Variants in SRSF4 observed in about 807,000 individuals in gnomAD.
The protein encoded by SRSF4 is serine and arginine rich splicing factor 4, also known as serine/arginine-rich splicing factor 4.
A neutral mutation model predicts 48.8 loss-of-function variants in SRSF4; 12 were observed. The observed-to-expected ratio is 0.25, with a 90% CI of 0.16 to 0.40. SRSF4 has a LOEUF of 0.40. Among genes scored for constraint, SRSF4 ranks in the 10% least tolerant of loss-of-function variants. The pLI is 1.00. For synonymous variants in SRSF4, 248 were observed against 232.5 expected, an observed-to-expected ratio of 1.07 and a Z score of -0.61; for missense variants, 466 against 667.1, an observed-to-expected ratio of 0.70 and a Z score of 3.32.
chr1:29,172,198 G>A (rs1672754557), intron 1 of SRSF4: 2 of 152,094 alleles, frequency 1.3e-5, no homozygotes, highest in African/African-American at 4.8e-5. Context: ...ATAAAACAAT[G>A]ACAGAATGCT....
intron 1 of SRSF4, among the ~76,000 whole-genome samples, chr1:29,162,615 T>G (rs1444710629): frequency 3.3e-5 from 5 of 152,206 alleles, no homozygotes; most frequent in Non-Finnish European, 7.3e-5. Context: ...TGTGAGAGCC[T>G]GACGCCATGC....
chr1:29,154,291 T>C (rs889732873), intron 4 of SRSF4, among the ~76,000 whole-genome samples: 8 of 152,176 alleles, frequency 5.3e-5, no homozygotes, highest in African/African-American at 1.9e-4. Flanking sequence ...TCTCGACTCC[T>C]GACATCAGGT....
At chr1:29,161,160 T>C (rs1168720109) in intron 1 of SRSF4, among the ~76,000 whole-genome samples, 1 of 152,198 alleles carries the variant, frequency 6.6e-6, no homozygotes, top group Non-Finnish European at 1.5e-5. Flanking sequence ...TAAATGGTAT[T>C]GCTACATCTT....
chr1:29,174,071 C>T (rs1672795724), intron 1 of SRSF4, among the ~76,000 whole-genome samples: 2 of 151,726 alleles, frequency 1.3e-5, no homozygotes. Context: ...CGCCTGTAAT[C>T]CCAGCTACTT....
At chr1:29,170,294 A>G (rs577176445) in intron 1 of SRSF4, 1 of 152,228 alleles carries the variant, frequency 6.6e-6, no homozygotes, top group Non-Finnish European at 1.5e-5. Context: ...ATTTAGAATA[A>G]AACTCTTGGG....
chr1:29,157,457 C>G (rs963488915), intron 3 of SRSF4, among the ~76,000 whole-genome samples: 1 of 152,086 alleles, frequency 6.6e-6, no homozygotes, highest in East Asian at 1.9e-4. Context: ...ATCCCTAACT[C>G]TCAGAATACT....
Position 29,181,843 on chromosome 1 carries a change from G to T in SRSF4, c.-91C>A. Reference sequence around the variant, plus strand: ...GAGCACGGCGGCAGCGGCGGCGGCGGCAACGGGCGGGCGGCGGGACGGACG... The same window carrying T: ...GAGCACGGCGGCAGCGGCGGCGGCGTCAACGGGCGGGCGGCGGGACGGACG... On this transcript the variant is annotated 5_prime_UTR_variant, in exon 1 of 6. Transcript: ENST00000373795. 7 of 1,081,726 alleles carry T rather than the reference G, an allele frequency of 6.5e-6. No homozygotes were observed. The highest frequency in any genetic ancestry group is 8.5e-6 in the Non-Finnish European group (7 of 821,526). The allele number at this position is 1,081,726 out of a possible 1,614,324, so 67.0% of individuals were successfully genotyped here.
intron 1 of SRSF4, among the ~76,000 whole-genome samples, chr1:29,163,478 C>T (rs1196550086): frequency 2.6e-5 from 4 of 152,286 alleles, no homozygotes; most frequent in Non-Finnish European, 4.4e-5. Flanking sequence ...GATACGGACT[C>T]TTGTTCTGAG....
intron 5 of SRSF4, among the ~76,000 whole-genome samples, chr1:29,149,888 G>A (rs1034777665): frequency 5.9e-5 from 9 of 151,760 alleles, no homozygotes; most frequent in Admixed American, 3.9e-4. Context: ...AATTAGCTGG[G>A]TGTGGTAGTA....
intron 1 of SRSF4, chr1:29,169,312 T>C (rs1489443502): frequency 6.6e-6 from 1 of 152,210 alleles, no homozygotes; most frequent in Non-Finnish European, 1.5e-5. Context: ...CCGCCTCCTA[T>C]ATACCAATGA....
In SRSF4 at chr1:29,148,049, G is replaced by C. The variant is rs901942725; in HGVS notation, c.*361C>G. The C allele has an allele frequency of 4.2e-6, 2 of 481,402 alleles. No homozygotes were observed. The highest frequency in any genetic ancestry group is 3.9e-5 in the African/African-American group (2 of 51,104). The allele number at this position is 481,402 out of a possible 1,614,324, so 29.8% of individuals were successfully genotyped here. ...CATACATCGAAGGGCATCAATTCAA[G>C]AGCAAAAATGGTTGAACTCACCATA... On this transcript the variant is annotated 3_prime_UTR_variant, in exon 6 of 6. Transcript: ENST00000373795.
chr1:29,181,092 T>C (rs1034100413), intron 1 of SRSF4, among the ~76,000 whole-genome samples: 2 of 152,202 alleles, frequency 1.3e-5, no homozygotes, highest in Non-Finnish European at 2.9e-5. Flanking sequence ...CTTTCGAAAC[T>C]GTCACTAGAC....
intron 1 of SRSF4, among the ~76,000 whole-genome samples, chr1:29,162,250 TA>T (rs968457567): frequency 1.6e-4 from 25 of 152,210 alleles, no homozygotes; most frequent in Admixed American, 3.9e-4. Context: ...AGCAGCTTAA[TA>T]AGAAGGATTT....
At chr1:29,160,678 G>A in intron 1 of SRSF4, 161 bp from the exon 2 acceptor site, 1 of 672,692 alleles carries the variant, frequency 1.5e-6, no homozygotes, top group Non-Finnish European at 2.3e-6. Flanking sequence ...ACTTTGCTTT[G>A]TGCCAACAGG....
chr1:29,166,477 A>G (rs1345890234), intron 1 of SRSF4, among the ~76,000 whole-genome samples: 2 of 152,238 alleles, frequency 1.3e-5, no homozygotes, highest in African/African-American at 4.8e-5. Flanking sequence ...ACCAGCGTTC[A>G]GGCCCTCACA....
At chr1:29,174,696 AT>A (rs1464576132) in intron 1 of SRSF4, among the ~76,000 whole-genome samples, 1 of 111,568 alleles carries the variant, frequency 9.0e-6, no homozygotes, top group Non-Finnish European at 1.8e-5. Context: ...TTTTTTTTTG[AT>A]GGAGTCTTGC....
At position 29,164,428 on chromosome 1, in the gene SRSF4, T is replaced by C. The variant is rs573022775; in HGVS notation, c.108-3911A>G. On this transcript the variant is annotated intron_variant, in intron 1 of 5. Coordinates refer to ENST00000373795, the MANE Select transcript of SRSF4 (RefSeq NM_005626.5). ...AGCAAGTAACGTGAAACAAATCTCT[T>C]TTCTCAGAAAGCAATCTCCTTTTGA... is the stretch of plus-strand genomic sequence containing the variant. Among the ~76,000 whole-genome samples, 49 of 152,360 alleles carry C rather than the reference T, an allele frequency of 3.2e-4. No homozygotes were observed. In the South Asian group the frequency reaches 9.3e-3, roughly 29 times the overall value.
chr1:29,151,153 G>A (rs991956888), intron 4 of SRSF4, among the ~76,000 whole-genome samples: 3 of 152,162 alleles, frequency 2.0e-5, no homozygotes, highest in Non-Finnish European at 2.9e-5. Flanking sequence ...GACAGAAAGA[G>A]GGAAACTTTC....
rs141096220 is a variant in SRSF4 at position 29,178,353 on chromosome 1, C to CTTCTTTTTTTTTTTTTT, written c.107+3292_107+3293insAAAAAAAAAAAAAAGAA. Among the ~76,000 whole-genome samples, 368 of 127,842 alleles carry CTTCTTTTTTTTTTTTTT rather than the reference C, an allele frequency of 2.9e-3. 16 individuals carry two copies. Among genetic ancestry groups the CTTCTTTTTTTTTTTTTT allele is most frequent in the East Asian group, 0.017 (75 of 4,286 alleles). The allele number at this position is 127,842 out of a possible 152,430, so 83.9% of individuals were successfully genotyped here. ...AAAATCTGTTTCTGAGTTTCAATTACTTTTTTTTTTGAGACAGAGTCTCGC... is the reference window on the plus strand; with the variant it reads ...AAAATCTGTTTCTGAGTTTCAATTACTTCTTTTTTTTTTTTTTTTTTTTTTTTGAGACAGAGTCTCGC... On this transcript the variant is annotated intron_variant, in intron 1 of 5. Transcript: ENST00000373795.
Sources: allele counts gnomAD v4.1 joint callset (sites outside exome capture counted in the v4.1 genomes callset), GRCh38; gene constraint gnomAD v4.1.1; transcripts MANE v1.5; gene names NCBI Gene and HGNC (gene_info 2026-07-23, HGNC 2026-07-21).